FAM76B: variants seen among roughly 807,000 people sequenced by gnomAD.
FAM76B encodes family with sequence similarity 76 member B.
FAM76B carries 16 observed loss-of-function variants against 51.8 expected under a neutral mutation model. The observed-to-expected ratio is 0.31, with a 90% CI of 0.21 to 0.47. The LOEUF (loss-of-function observed/expected upper bound fraction) is 0.47. Ranked by LOEUF, FAM76B falls within the 20% of genes least tolerant of loss-of-function variation. The probability of loss-of-function intolerance (pLI) is 1.00; values close to 1 mark genes in which losing one functional copy is unlikely to be tolerated. For synonymous variants in FAM76B, 166 were observed against 129.5 expected (o/e 1.28, Z -1.91); for missense variants, 342 against 392.6 (o/e 0.87, Z 1.09).
chr11:95,784,000 G>A (rs1407428448), intron 4 of FAM76B, among the ~76,000 whole-genome samples: 1 of 152,140 alleles, frequency 6.6e-6, no homozygotes, highest in Non-Finnish European at 1.5e-5. Flanking sequence ...GGCTCAAGAA[G>A]GTTGTAATGT....
At position 95,783,145 on chromosome 11, in the gene FAM76B, A is replaced by G; in HGVS notation, c.483T>C (p.Leu161=). The part of the protein sequence containing the change: ...SSHSNSSSSS[L]TEKDQHHPKH... ...TTGGATGATGCTGGTCTTTCTCAGT[A>G]AGAGATGAAGAAGATGAATTTGAAT... Residue 161 remains leucine (L), a synonymous_variant, in exon 5 of 10, where the codon CTT becomes CTC. Coordinates refer to ENST00000358780, the MANE Select transcript of FAM76B (RefSeq NM_144664.5). 6.2e-7 allele frequency: 1 copy of G among 1,613,132 alleles called. No homozygotes were observed.
chr11:95,782,960 G>A, intron 5 of FAM76B, 105 bp downstream of exon 5: 3 of 1,424,656 alleles, frequency 2.1e-6, no homozygotes, highest in East Asian at 4.6e-5. Flanking sequence ...TGTGTACAAT[G>A]GAAACTAGAC....
chr11:95,787,532 G>A (rs1015930846), intron 3 of FAM76B, 92 bp downstream of exon 3: 5 of 1,294,320 alleles, frequency 3.9e-6, no homozygotes, highest in African/African-American at 1.5e-5. Flanking sequence ...GAGCCACTGT[G>A]CCCAGCCAGC....
chr11:95,785,468 CATGTATT>C (rs2120287813), intron 4 of FAM76B, among the ~76,000 whole-genome samples: 1 of 152,316 alleles, frequency 6.6e-6, no homozygotes, highest in East Asian at 1.9e-4. Flanking sequence ...TGTTTGTTCA[CATGTATT>C]CCATCCATAG....
intron 2 of FAM76B, among the ~76,000 whole-genome samples, chr11:95,788,289 C>T (rs1215214432): frequency 6.6e-6 from 1 of 152,096 alleles, no homozygotes; most frequent in Non-Finnish European, 1.5e-5. Flanking sequence ...TATTCCTTCT[C>T]TCATATAAAG....
intron 9 of FAM76B, among the ~76,000 whole-genome samples, chr11:95,775,271 T>C (rs949700017): frequency 6.6e-6 from 1 of 151,530 alleles, no homozygotes; most frequent in African/African-American, 2.4e-5. Flanking sequence ...TGTATCCATG[T>C]TGGATGTTCA....
intron 1 of FAM76B, 122 bp downstream of exon 1, chr11:95,789,270 G>A (rs1268821934): frequency 8.0e-6 from 9 of 1,118,032 alleles, no homozygotes; most frequent in South Asian, 2.8e-5. Flanking sequence ...GGGGAGGCGA[G>A]GGCTCCAGAC....
intron 5 of FAM76B, among the ~76,000 whole-genome samples, chr11:95,780,333 G>C (rs1255169): frequency 0.23 from 34,781 of 151,690 alleles, 8,512 homozygotes; most frequent in African/African-American, 0.61. Flanking sequence ...TCTTCTTTTG[G>C]AGTAACTCAA....
chr11:95,781,293 ACTAT>A (rs1200097357), intron 5 of FAM76B, among the ~76,000 whole-genome samples: 2 of 152,132 alleles, frequency 1.3e-5, no homozygotes, highest in Non-Finnish European at 2.9e-5. Flanking sequence ...CCTGCCGATC[ACTAT>A]CTATCACAAT....
intron 9 of FAM76B, among the ~76,000 whole-genome samples, chr11:95,773,602 G>A (rs1459430756): frequency 6.6e-6 from 1 of 151,154 alleles, no homozygotes; most frequent in Non-Finnish European, 1.5e-5. Flanking sequence ...TTACTTACCA[G>A]CTACATAACC....
chr11:95,784,238 G>T (rs1032141214), intron 4 of FAM76B, among the ~76,000 whole-genome samples: 3 of 152,082 alleles, frequency 2.0e-5, no homozygotes, highest in African/African-American at 7.2e-5. Flanking sequence ...ACTAAAGGAT[G>T]AAAACACATG....
chr11:95,782,624 A>G (rs1032532498), intron 5 of FAM76B, among the ~76,000 whole-genome samples: 2 of 152,176 alleles, frequency 1.3e-5, no homozygotes, highest in Non-Finnish European at 2.9e-5. Flanking sequence ...CTATCATAGT[A>G]ACAAATTATA....
intron 9 of FAM76B, among the ~76,000 whole-genome samples, chr11:95,775,592 T>A (rs1445762401): frequency 6.6e-6 from 1 of 151,410 alleles, no homozygotes; most frequent in Non-Finnish European, 1.5e-5. Flanking sequence ...GACCTGCTTT[T>A]CACCTTAGTT....
chr11:95,788,763 T>C, intron 1 of FAM76B, 200 bp from the exon 2 acceptor site: 1 of 1,397,616 alleles, frequency 7.2e-7, no homozygotes, highest in Middle Eastern at 1.8e-4. Context: ...GTCTTTGTCT[T>C]TAGTAGACGT....
At chr11:95,788,354 A>G (rs113915129) in intron 2 of FAM76B, 145 bp downstream of exon 2, 1 of 658,172 alleles carries the variant, frequency 1.5e-6, no homozygotes, top group Non-Finnish European at 2.6e-6. Flanking sequence ...CTCTCCCACC[A>G]TGTATAAAAG....
chr11:95,775,824 C>A, intron 9 of FAM76B, 98 bp downstream of exon 9: 1 of 646,906 alleles, frequency 1.5e-6, no homozygotes, highest in Non-Finnish European at 2.4e-6. Flanking sequence ...ACCAACTATG[C>A]ACAAAATAGG....
At chr11:95,773,120 GTTC>G (rs35757658) in intron 9 of FAM76B, among the ~76,000 whole-genome samples, 41,838 of 150,574 alleles carry the variant, frequency 0.28, 6,934 homozygotes, top group Non-Finnish European at 0.38. Flanking sequence ...GAATCTCCAA[GTTC>G]TTATCTCAAT....
At chr11:95,784,195 C>T (rs546258931) in intron 4 of FAM76B, among the ~76,000 whole-genome samples, 1 of 152,176 alleles carries the variant, frequency 6.6e-6, no homozygotes, top group South Asian at 2.1e-4. Flanking sequence ...GAACAGAAAA[C>T]CAAATCCTGC....
intron 8 of FAM76B, among the ~76,000 whole-genome samples, chr11:95,777,179 T>C (rs1302190614): frequency 2.0e-5 from 3 of 151,378 alleles, no homozygotes; most frequent in Non-Finnish European, 4.4e-5. Flanking sequence ...TAGAAATCAT[T>C]AAATAACTTT....
Sources: allele counts gnomAD v4.1 joint callset (sites outside exome capture counted in the v4.1 genomes callset), GRCh38; gene constraint gnomAD v4.1.1; transcripts MANE v1.5; gene names NCBI Gene and HGNC (gene_info 2026-07-23, HGNC 2026-07-21).